SLC9C2: variants seen among roughly 807,000 people sequenced by gnomAD.
SLC9C2 encodes the protein solute carrier family 9 member C2 (putative).
Under a neutral mutation model 140.2 loss-of-function variants are expected in SLC9C2, and 75 were observed. The ratio of observed to expected loss-of-function variants is 0.53; its 90% CI spans 0.44 to 0.65. The LOEUF is 0.65. Ranked by LOEUF, SLC9C2 falls within the 30% of genes least tolerant of loss-of-function variation. The probability of loss-of-function intolerance (pLI) is 0.00; values close to 1 mark genes in which losing one functional copy is unlikely to be tolerated. For missense variants in SLC9C2, 1,074 were observed against 1,331.8 expected, an observed-to-expected ratio of 0.81 and a Z score of 3.01; for synonymous variants, 375 against 420.9, an observed-to-expected ratio of 0.89 and a Z score of 1.34.
At chr1:173,589,535 G>A (rs1666041647) in intron 4 of SLC9C2, among the ~76,000 whole-genome samples, 1 of 151,952 alleles carries the variant, frequency 6.6e-6, no homozygotes, top group African/African-American at 2.4e-5. Flanking sequence ...ACTCTATCCT[G>A]GGTGACAGAG....
chr1:173,523,201 G>A (rs542699876), intron 21 of SLC9C2, among the ~76,000 whole-genome samples: 31 of 151,982 alleles, frequency 2.0e-4, no homozygotes, highest in East Asian at 5.8e-4. Flanking sequence ...ATGAAACCCC[G>A]TCTCTACTGA....
Position 173,581,906 on chromosome 1 carries a change from C to G in SLC9C2, c.743G>C (p.Ser248Thr). Residue 248 changes from serine (S) to threonine (T), a missense_variant, in exon 7 of 28, where the codon AGC (serine) becomes ACC (threonine). By Grantham distance (58) the Ser-to-Thr change is moderately conservative (BLOSUM62 1). Transcript: ENST00000367714. Reference sequence around the variant, plus strand: ...GAGAATGATATTAGTCAGCATATTGCTAAAAACGTCAGCCAATATACACTG... The same window carrying G: ...GAGAATGATATTAGTCAGCATATTGGTAAAAACGTCAGCCAATATACACTG... ...IIQCILADVF[S>T]NMLTNIILCF... The G allele has an allele frequency of 6.2e-7, 1 of 1,606,768 alleles. No individual in the cohort carries two copies. The highest frequency in any genetic ancestry group is 8.5e-7 in the Non-Finnish European group (1 of 1,175,352).
At chr1:173,515,642 C>A (rs1285985532) in intron 23 of SLC9C2, among the ~76,000 whole-genome samples, 1 of 152,180 alleles carries the variant, frequency 6.6e-6, no homozygotes, top group East Asian at 1.9e-4. Context: ...TATTACCCAC[C>A]TTCCAAAGCC....
intron 17 of SLC9C2, 46 bp from the exon 18 acceptor site, chr1:173,530,100 GA>G (rs781377177): frequency 2.3e-5 from 35 of 1,525,012 alleles, no homozygotes; most frequent in Non-Finnish European, 2.9e-5. Flanking sequence ...ATTTGATGAG[GA>G]AAAGCACCCT....
At chr1:173,571,960 C>A (rs1035250607) in intron 9 of SLC9C2, among the ~76,000 whole-genome samples, 4 of 152,290 alleles carry the variant, frequency 2.6e-5, no homozygotes, top group South Asian at 2.1e-4. Flanking sequence ...CTTCACTGAG[C>A]ATTTACTATG....
intron 23 of SLC9C2, among the ~76,000 whole-genome samples, chr1:173,514,338 C>T (rs2101917898): frequency 6.6e-6 from 1 of 152,286 alleles, no homozygotes; most frequent in East Asian, 1.9e-4. Flanking sequence ...TCTGGGTGCT[C>T]CTGTCTTGGG....
At chr1:173,570,250 C>G (rs1389754741) in intron 9 of SLC9C2, among the ~76,000 whole-genome samples, 1 of 152,138 alleles carries the variant, frequency 6.6e-6, no homozygotes, top group African/African-American at 2.4e-5. Flanking sequence ...CCCAAGAGCT[C>G]TTTAGTCAGC....
intron 11 of SLC9C2, among the ~76,000 whole-genome samples, chr1:173,553,099 A>C (rs1343125174): frequency 6.6e-6 from 1 of 152,192 alleles, no homozygotes; most frequent in Non-Finnish European, 1.5e-5. Flanking sequence ...AAGTAACTGC[A>C]GATGTGGTGG....
chr1:173,600,135 C>A lies in SLC9C2; in HGVS notation c.210G>T (p.Met70Ile). The change falls in exon 3 of 28, where the codon ATG (methionine) becomes ATT (isoleucine). Residue 70 changes from methionine (M) to isoleucine (I), a missense_variant. Transcript: ENST00000367714. Reference protein sequence around the residue: ...LSLSGFVIGHMAYNSVEVHQI... With the variant: ...LSLSGFVIGHIAYNSVEVHQI... ...ACAGTACCTCAACAGAATTGTAGGC[C>A]ATGTGTCCTATCACGAATCCTGATA... 1.9e-6 allele frequency: 3 copies of A among 1,605,506 alleles called. No homozygotes were observed. In the African/African-American group the frequency reaches 4.0e-5, roughly 21 times the overall value.
chr1:173,540,853 G>A (rs530270509), intron 13 of SLC9C2, among the ~76,000 whole-genome samples: 19 of 152,196 alleles, frequency 1.2e-4, no homozygotes, highest in Non-Finnish European at 2.4e-4. Flanking sequence ...CATGTTTCTC[G>A]TCTATGGTTT....
intron 18 of SLC9C2, among the ~76,000 whole-genome samples, chr1:173,528,787 C>T (rs1171072022): frequency 1.3e-5 from 2 of 152,152 alleles, no homozygotes; most frequent in African/African-American, 4.8e-5. Context: ...AAGAGTGTAA[C>T]TTGGGCTGAG....
intron 9 of SLC9C2, among the ~76,000 whole-genome samples, chr1:173,566,108 A>T (rs896543886): frequency 1.3e-5 from 2 of 152,078 alleles, no homozygotes; most frequent in African/African-American, 4.8e-5. Context: ...TTTTTACATC[A>T]ATATTCATGA....
At chr1:173,521,434 G>A in intron 21 of SLC9C2, 35 bp from the exon 22 acceptor site, 1 of 1,147,072 alleles carries the variant, frequency 8.7e-7, no homozygotes, top group Non-Finnish European at 1.2e-6. Flanking sequence ...AAGAAAAAGA[G>A]AGTCAACACA....
chr1:173,534,014 CA>C (rs1209863098), intron 16 of SLC9C2, among the ~76,000 whole-genome samples: 1 of 151,880 alleles, frequency 6.6e-6, no homozygotes, highest in Non-Finnish European at 1.5e-5. Flanking sequence ...GCTGGAATGC[CA>C]AAAACAACTA....
In SLC9C2 at chr1:173,535,840, T is replaced by C. The variant is rs1661911736; in HGVS notation, c.1765A>G (p.Ile589Val). 4.0e-6 allele frequency: 6 copies of C among 1,510,998 alleles called. No homozygotes were observed. The South Asian group carries it at 7.2e-5, about 18-fold the overall frequency. 93.6% of individuals were successfully genotyped at this position (1,510,998 alleles called of 1,614,324 possible). Residue 589 changes from isoleucine (I) to valine (V), a missense_variant, in exon 15 of 28, where the codon ATT becomes GTT. Transcript: ENST00000367714. The stretch of plus-strand genomic sequence containing the variant: ...GTTCACAATACTTACTCAGGTGGAA[T>C]AAAATGTATCTTTTCTATACAATAT... ...LEYCIEKIHF[I>V]PPESNTFLTF...
intron 9 of SLC9C2, among the ~76,000 whole-genome samples, chr1:173,561,328 G>C (rs1664089601): frequency 6.6e-6 from 1 of 152,086 alleles, no homozygotes; most frequent in African/African-American, 2.4e-5. Flanking sequence ...GGATGGAGGT[G>C]GGAGTGAGGG....
intron 13 of SLC9C2, among the ~76,000 whole-genome samples, chr1:173,541,399 T>C (rs6425241): frequency 0.36 from 54,580 of 151,748 alleles, 12,402 homozygotes; most frequent in East Asian, 0.64. Context: ...GAATCCCACA[T>C]AATAATAATG....
At chr1:173,578,850 C>A (rs1274687515) in intron 7 of SLC9C2, among the ~76,000 whole-genome samples, 1 of 152,190 alleles carries the variant, frequency 6.6e-6, no homozygotes, top group Non-Finnish European at 1.5e-5. Flanking sequence ...TAGGACCCAC[C>A]CTAATGACTG....
At chr1:173,582,739 G>A (rs950998601) in intron 6 of SLC9C2, among the ~76,000 whole-genome samples, 4 of 152,052 alleles carry the variant, frequency 2.6e-5, no homozygotes, top group African/African-American at 9.7e-5. Context: ...ACCTAGCAAG[G>A]CAACAGCTTC....
Sources: gnomAD v4.1 joint callset for allele counts (sites outside exome capture counted in the v4.1 genomes callset) on GRCh38, gnomAD v4.1.1 for gene constraint, MANE v1.5 for transcripts, NCBI Gene and HGNC (gene_info 2026-07-23, HGNC 2026-07-21) for gene names.